Variants in LDLRAD4 observed in about 807,000 individuals in gnomAD.
LDLRAD4 encodes low-density lipoprotein receptor class A domain-containing protein 4.
Under a neutral mutation model 17.0 loss-of-function variants are expected in LDLRAD4, and 5 were observed. The observed-to-expected ratio is 0.29, with a 90% CI of 0.15 to 0.62. The LOEUF (loss-of-function observed/expected upper bound fraction) is 0.62, where lower values mean the gene tolerates loss of function less well. LDLRAD4 is among the 20% of genes least tolerant of loss of function. The probability of loss-of-function intolerance (pLI) is 0.84; values close to 1 mark genes in which losing one functional copy is unlikely to be tolerated. For synonymous variants in LDLRAD4, 168 were observed against 171.8 expected (o/e 0.98, Z 0.17); for missense variants, 340 against 424.7 (o/e 0.80, Z 1.75).
chr18:13,516,009 C>T (rs533590617), intron 3 of LDLRAD4: 11 of 152,246 alleles, frequency 7.2e-5, no homozygotes, highest in Non-Finnish European at 1.5e-4. Context: ...GAGACGGGAC[C>T]TTACCATGTT....
chr18:13,284,148 T>G (rs957032529), intron 1 of LDLRAD4, among the ~76,000 whole-genome samples: 1 of 152,024 alleles, frequency 6.6e-6, no homozygotes, highest in Admixed American at 6.6e-5. Context: ...AAATCAGAAA[T>G]GCAGCAAGGG....
At chr18:13,349,066 G>A (rs184966484) in intron 1 of LDLRAD4, among the ~76,000 whole-genome samples, 67 of 152,220 alleles carry the variant, frequency 4.4e-4, no homozygotes, top group Admixed American at 3.7e-3. Flanking sequence ...CGCTCGGTGC[G>A]CTGCCCCCAC....
At chr18:13,400,372 A>G (rs1048278900) in intron 2 of LDLRAD4, among the ~76,000 whole-genome samples, 6 of 152,166 alleles carry the variant, frequency 3.9e-5, no homozygotes, top group Non-Finnish European at 8.8e-5. Context: ...CTGGAGGCCT[A>G]AAGGGATTTC....
intron 1 of LDLRAD4, among the ~76,000 whole-genome samples, chr18:13,337,547 G>A (rs1038928462): frequency 6.6e-6 from 1 of 152,106 alleles, no homozygotes; most frequent in African/African-American, 2.4e-5. Context: ...TTTCACAAAG[G>A]TTAAGCAACT....
chr18:13,449,649 G>T (rs1455421418), intron 3 of LDLRAD4, among the ~76,000 whole-genome samples: 1 of 152,262 alleles, frequency 6.6e-6, no homozygotes, highest in Non-Finnish European at 1.5e-5. Context: ...CTCTGCCATG[G>T]CGCTATCTCC....
intron 3 of LDLRAD4, among the ~76,000 whole-genome samples, chr18:13,462,833 A>C (rs1455765225): frequency 6.6e-6 from 1 of 152,134 alleles, no homozygotes; most frequent in African/African-American, 2.4e-5. Context: ...ATGTAGCCAG[A>C]GAGGTTCAGC....
chr18:13,347,471 G>A (rs912344672), intron 1 of LDLRAD4, among the ~76,000 whole-genome samples: 1 of 152,158 alleles, frequency 6.6e-6, no homozygotes, highest in Non-Finnish European at 1.5e-5. Context: ...CCCTTTGTGG[G>A]TAACCCAACC....
intron 1 of LDLRAD4, among the ~76,000 whole-genome samples, chr18:13,267,734 T>C (rs374934886): frequency 2.6e-5 from 4 of 152,224 alleles, no homozygotes; most frequent in East Asian, 1.9e-4. Context: ...GGCTGGCTGA[T>C]TGGAAATCAC....
intron 1 of LDLRAD4, among the ~76,000 whole-genome samples, chr18:13,346,088 G>T (rs1317549830): frequency 6.6e-6 from 1 of 152,044 alleles, no homozygotes; most frequent in Admixed American, 6.6e-5. Context: ...CTTCAGTTCT[G>T]CCCTGATCTT....
At chr18:13,624,133 G>C (rs1015632738) in intron 4 of LDLRAD4, among the ~76,000 whole-genome samples, 1 of 152,106 alleles carries the variant, frequency 6.6e-6, no homozygotes, top group African/African-American at 2.4e-5. Flanking sequence ...GATGTGAGCG[G>C]TGCTGAGGCG....
intron 4 of LDLRAD4, among the ~76,000 whole-genome samples, chr18:13,623,983 G>A (rs1296539536): frequency 6.6e-6 from 1 of 152,178 alleles, no homozygotes; most frequent in Admixed American, 6.5e-5. Flanking sequence ...ATGTCTAGGG[G>A]ACATTTGCAG....
intron 1 of LDLRAD4, among the ~76,000 whole-genome samples, chr18:13,265,479 G>A (rs554028962): frequency 1.2e-4 from 19 of 152,304 alleles, no homozygotes; most frequent in Admixed American, 1.2e-3. Context: ...AATGTCAGCT[G>A]CCCAGGTGAG....
At chr18:13,229,314 G>T (rs1296740168) in intron 1 of LDLRAD4, among the ~76,000 whole-genome samples, 9 of 152,200 alleles carry the variant, frequency 5.9e-5, no homozygotes, top group Non-Finnish European at 1.2e-4. Context: ...CCTGGGGAAG[G>T]TCACTGACTC....
At chr18:13,293,303 A>G (rs1454866386) in intron 1 of LDLRAD4, among the ~76,000 whole-genome samples, 2 of 152,158 alleles carry the variant, frequency 1.3e-5, no homozygotes, top group African/African-American at 2.4e-5. Flanking sequence ...TGCCACATAG[A>G]CGACCTGTAG....
At chr18:13,377,959 A>AAT (rs1353220991) in intron 1 of LDLRAD4, among the ~76,000 whole-genome samples, 1 of 152,148 alleles carries the variant, frequency 6.6e-6, no homozygotes, top group Non-Finnish European at 1.5e-5. Context: ...GTCCTAAAGG[A>AAT]ATATATATTC....
intron 3 of LDLRAD4, among the ~76,000 whole-genome samples, chr18:13,605,300 C>G (rs1391435075): frequency 6.6e-6 from 1 of 152,236 alleles, no homozygotes; most frequent in Non-Finnish European, 1.5e-5. Context: ...TCACTGCACT[C>G]TCGACCTCCT....
chr18:13,438,787 C>T (rs976638400), intron 3 of LDLRAD4, among the ~76,000 whole-genome samples: 3 of 152,120 alleles, frequency 2.0e-5, no homozygotes, highest in African/African-American at 4.8e-5. Flanking sequence ...TACATGGGAT[C>T]CTTGAAGGTT....
At chr18:13,378,661 G>A (rs2085112046) in intron 1 of LDLRAD4, among the ~76,000 whole-genome samples, 1 of 151,902 alleles carries the variant, frequency 6.6e-6, no homozygotes, top group Admixed American at 6.6e-5. Context: ...CCTTTTAAAG[G>A]CAAGTTTCTT....
At chr18:13,468,552 T>A (rs574197951) in intron 3 of LDLRAD4, among the ~76,000 whole-genome samples, 4 of 152,094 alleles carry the variant, frequency 2.6e-5, no homozygotes, top group African/African-American at 9.7e-5. Context: ...CATGCACATG[T>A]ATGTTTATTG....
Sources: allele counts gnomAD v4.1 joint callset (sites outside exome capture counted in the v4.1 genomes callset), GRCh38; gene constraint gnomAD v4.1.1; transcripts MANE v1.5; gene names NCBI Gene and HGNC (gene_info 2026-07-23, HGNC 2026-07-21).